The following GRID2IP variants were observed in gnomAD, a reference collection of about 807,000 sequenced individuals.
GRID2IP encodes the protein Grid2 interacting protein.
A neutral mutation model predicts 114.3 loss-of-function variants in GRID2IP; 78 were observed. That is an observed-to-expected ratio of 0.68 (90% CI 0.57 to 0.82). The LOEUF (loss-of-function observed/expected upper bound fraction) is 0.82. GRID2IP is among the 40% of genes least tolerant of loss of function. The pLI is 0.00. For missense variants in GRID2IP, 1,727 were observed against 1,678.5 expected, an observed-to-expected ratio of 1.03 and a Z score of -0.51; for synonymous variants, 809 against 724.0, an observed-to-expected ratio of 1.12 and a Z score of -1.89.
chr7:6,526,421 C>A lies in GRID2IP; in HGVS notation c.833+100G>T, dbSNP rs978021046. The A allele has an allele frequency of 6.6e-7, 1 of 1,506,930 alleles. No individual in the cohort carries two copies. Among genetic ancestry groups the A allele is most frequent in the Non-Finnish European group, 8.9e-7 (1 of 1,122,920 alleles). 93.3% of individuals were successfully genotyped at this position (1,506,930 alleles called of 1,614,324 possible). On this transcript the variant is annotated intron_variant, in intron 3 of 21. Transcript: ENST00000457091. This position sits in a 1 kb window ranked among gnomAD's most constrained non-coding sequence, Gnocchi z 7.6. ...TAACCTCTCCGGCCCCCTATGCACC[C>A]CAGATGCCCAGCCCCGCCCCTACGC...
At chr7:6,504,894 C>T (rs1482051000) in intron 14 of GRID2IP, 24 bp from the exon 15 acceptor site, 7 of 1,548,578 alleles carry the variant, frequency 4.5e-6, no homozygotes, top group Non-Finnish European at 5.2e-6. Context: ...TGACAGTTTA[C>T]GGAGGCGGCT....
chr7:6,509,256 C>T lies in GRID2IP; in HGVS notation c.1829G>A (p.Cys610Tyr). The T allele has an allele frequency of 6.5e-7, 1 of 1,527,144 alleles. No homozygotes were observed. Among genetic ancestry groups the T allele is most frequent in the Non-Finnish European group, 8.8e-7 (1 of 1,135,004 alleles). 94.6% of individuals were successfully genotyped at this position (1,527,144 alleles called of 1,614,324 possible). A position where few individuals can be genotyped will look rare whatever the true frequency, so the allele number is the denominator to read the frequency against. The change falls in exon 12 of 22, where the codon TGC becomes TAC. Residue 610 changes from cysteine to tyrosine, a missense_variant. Coordinates refer to ENST00000457091, the MANE Select transcript of GRID2IP (RefSeq NM_001145118.2). This position sits in a 1 kb window ranked among gnomAD's most constrained non-coding sequence, Gnocchi z 4.9. ...ACCCCCCGAACACAGCGGGTGGTAG[C>T]AGGGGGAGGGCAAGAGTCGCTCGCT... is the stretch of plus-strand genomic sequence containing the variant. ...WPSERLLPSP[C>Y]YHPLCSGGLA...
chr7:6,512,402 TG>T (rs1779191276), intron 8 of GRID2IP, among the ~76,000 whole-genome samples: 2 of 150,992 alleles, frequency 1.3e-5, no homozygotes, highest in African/African-American at 4.9e-5. Context: ...CAAATTTTTT[TG>T]CTATGTTGCC....
At chr7:6,524,648 A>G (rs1204667141) in intron 4 of GRID2IP, among the ~76,000 whole-genome samples, 1 of 151,962 alleles carries the variant, frequency 6.6e-6, no homozygotes, top group Non-Finnish European at 1.5e-5. Context: ...TAAGCCCAGG[A>G]GTTGGAGGCT....
intron 16 of GRID2IP, 69 bp from the exon 17 acceptor site, chr7:6,503,232 G>T (rs982748831): frequency 1.3e-5 from 17 of 1,285,490 alleles, no homozygotes; most frequent in Non-Finnish European, 1.7e-5. Context: ...CGCAGGCTTT[G>T]GGGTGGGAGG....
At position 6,521,398 on chromosome 7, in the gene GRID2IP, C is replaced by T. The variant is rs1779408670; in HGVS notation, c.1084+31G>A. 6.8e-7 allele frequency: 1 copy of T among 1,467,642 alleles called. No individual in the cohort carries two copies. The allele number at this position is 1,467,642 out of a possible 1,614,324, so 90.9% of individuals were successfully genotyped here. On this transcript the variant is annotated intron_variant, in intron 6 of 21. Coordinates refer to ENST00000457091, the MANE Select transcript of GRID2IP (RefSeq NM_001145118.2). This position sits in a 1 kb window ranked among gnomAD's most constrained non-coding sequence, Gnocchi z 4.1. ...CAGCCTGGGCAGGGTCTCTGGGGGC[C>T]AAGGAAGCCAAGTGTCCATGGGGGT... is the stretch of plus-strand genomic sequence containing the variant.
At chr7:6,505,382 C>T (rs1219961293) in intron 14 of GRID2IP, among the ~76,000 whole-genome samples, 8 of 122,596 alleles carry the variant, frequency 6.5e-5, no homozygotes, top group Admixed American at 1.8e-4. Flanking sequence ...TTTTTTTAGA[C>T]GGGGTCTCAC....
At chr7:6,525,064 G>C (rs1231168867) in intron 4 of GRID2IP, among the ~76,000 whole-genome samples, 2 of 152,052 alleles carry the variant, frequency 1.3e-5, no homozygotes, top group Non-Finnish European at 2.9e-5. Flanking sequence ...CAGAACTTTA[G>C]GAGGCCAAGA....
At position 6,520,710 on chromosome 7, in the gene GRID2IP, T is replaced by C. The variant is rs757776305; in HGVS notation, c.1136A>G (p.Gln379Arg). 26 of 1,551,482 alleles carry C rather than the reference T, an allele frequency of 1.7e-5. No individual in the cohort carries two copies. The East Asian group carries it at 2.7e-4, about 16-fold the overall frequency. ...GGACGGCAGGATCTCCGCCACCCAC[T>C]GCAGGGAGGTGAGCGCCGACGACGG... Reference protein sequence around the residue: ...PNPSSALTSLQWVAEILPSSI... With the variant: ...PNPSSALTSLRWVAEILPSSI... The change falls in exon 7 of 22, where the codon CAG (glutamine) becomes CGG (arginine). Residue 379 changes from glutamine (Q) to arginine (R), a missense_variant. By Grantham distance (43) the Gln-to-Arg change is conservative (BLOSUM62 1). Transcript: ENST00000457091. This position sits in a 1 kb window ranked among gnomAD's most constrained non-coding sequence, Gnocchi z 4.6.
intron 15 of GRID2IP, among the ~76,000 whole-genome samples, chr7:6,504,119 G>A (rs1190973091): frequency 2.0e-5 from 3 of 151,280 alleles, no homozygotes; most frequent in East Asian, 2.0e-4. Flanking sequence ...ACTCTAGAGG[G>A]GTGGGGGTCA....
chr7:6,512,231 CTTT>C (rs1002835555), intron 8 of GRID2IP, among the ~76,000 whole-genome samples: 5 of 90,186 alleles, frequency 5.5e-5, no homozygotes, highest in Non-Finnish European at 6.3e-5. Flanking sequence ...TTCTTTTCTT[CTTT>C]TTTTTTTTTT....
intron 8 of GRID2IP, among the ~76,000 whole-genome samples, chr7:6,513,627 G>A (rs1779224311): frequency 6.6e-6 from 1 of 152,178 alleles, no homozygotes; most frequent in Non-Finnish European, 1.5e-5. Flanking sequence ...GTGGTTAGGT[G>A]CAGTGTCTAA....
chr7:6,551,241 C>T lies in GRID2IP; in HGVS notation c.196G>A (p.Val66Met), dbSNP rs373612128. 17 of 1,530,720 alleles carry T rather than the reference C, an allele frequency of 1.1e-5. No individual in the cohort carries two copies. The highest frequency in any genetic ancestry group is 1.4e-5 in the Non-Finnish European group (16 of 1,144,200). The allele number at this position is 1,530,720 out of a possible 1,614,324, so 94.8% of individuals were successfully genotyped here. The change falls in exon 1 of 22, where the codon GTG becomes ATG. Residue 66 changes from valine (V) to methionine (M), a missense_variant. By Grantham distance (21) the Val-to-Met change is conservative. Coordinates refer to ENST00000457091, the MANE Select transcript of GRID2IP (RefSeq NM_001145118.2). ...CGTGGGCAGCGCCGTGCCAGGCGCA[C>T]GAGGCGCTCGCGGCTCAGACCGCCC... The part of the protein sequence containing the change: ...AVGGLSRERL[V>M]RLARRCPRVP...
intron 18 of GRID2IP, 141 bp downstream of exon 18, chr7:6,502,645 T>C (rs1786450929): frequency 5.6e-6 from 2 of 354,650 alleles, no homozygotes; most frequent in Non-Finnish European, 1.1e-5. Flanking sequence ...CTGGCTTCAA[T>C]GTGGCCCTTT....
In GRID2IP at chr7:6,509,696, G is replaced by T. The variant is rs1428637424; in HGVS notation, c.1772-383C>A. On this transcript the variant is annotated intron_variant, in intron 11 of 21. Coordinates refer to ENST00000457091, the MANE Select transcript of GRID2IP (RefSeq NM_001145118.2). This position sits in a 1 kb window ranked among gnomAD's most constrained non-coding sequence, Gnocchi z 4.9. ...TGAGATCACAGGAGGGCCTCCCAGG[G>T]CTCCTGCCTTCTGAGCTGCAGAGCA... Among the ~76,000 whole-genome samples, 4 of 152,208 alleles carry T rather than the reference G, an allele frequency of 2.6e-5. No homozygotes were observed. The highest frequency in any genetic ancestry group is 9.6e-5 in the African/African-American group (4 of 41,454).
chr7:6,541,487 C>G (rs1779814788), intron 1 of GRID2IP, among the ~76,000 whole-genome samples: 1 of 152,180 alleles, frequency 6.6e-6, no homozygotes, highest in South Asian at 2.1e-4. Context: ...CCTCAGTTCT[C>G]TCTCCAAACT....
In GRID2IP at chr7:6,502,939, G is replaced by C; in HGVS notation, c.3064-67C>G. 4 of 1,542,358 alleles carry C rather than the reference G, an allele frequency of 2.6e-6. No homozygotes were observed. In the Admixed American group the frequency reaches 7.8e-5, roughly 30 times the overall value. On this transcript the variant is annotated intron_variant, in intron 17 of 21. Transcript: ENST00000457091. ...ACCCATCCACCCTGCTGTCTGGATG[G>C]GCCTCCAGGCTGGAAGCCCCAGGAG...
intron 1 of GRID2IP, among the ~76,000 whole-genome samples, chr7:6,548,015 A>G (rs952983673): frequency 2.0e-5 from 3 of 152,162 alleles, no homozygotes; most frequent in Admixed American, 2.0e-4. Flanking sequence ...GCTTGATAAC[A>G]CAACAGGGTG....
At position 6,509,767 on chromosome 7, in the gene GRID2IP, G is replaced by GATC; in HGVS notation, c.1772-457_1772-455dup. 6.6e-6 allele frequency among the ~76,000 whole-genome samples: 1 copy of GATC among 152,336 alleles called. No individual in the cohort carries two copies. Among genetic ancestry groups the GATC allele is most frequent in the East Asian group, 1.9e-4 (1 of 5,184 alleles). On this transcript the variant is annotated intron_variant, in intron 11 of 21. Coordinates refer to ENST00000457091, the MANE Select transcript of GRID2IP (RefSeq NM_001145118.2). The surrounding 1 kb of genome is among the most constrained non-coding windows in gnomAD (Gnocchi z 4.9). ...AACGCTGGTACAACGCGTTGCACTTGATCATTTATCCAATAACCACTTGCT... is the reference window on the plus strand; with the variant it reads ...AACGCTGGTACAACGCGTTGCACTTGATCATCATTTATCCAATAACCACTTGCT...
Sources: allele counts gnomAD v4.1 joint callset (sites outside exome capture counted in the v4.1 genomes callset), GRCh38; gene constraint gnomAD v4.1.1; non-coding constraint Gnocchi (gnomAD v3.1); transcripts MANE v1.5; gene names NCBI Gene and HGNC (gene_info 2026-07-23, HGNC 2026-07-21).